Variants in ABL1 observed in about 807,000 individuals in gnomAD.
The protein encoded by ABL1 is ABL proto-oncogene 1, non-receptor tyrosine kinase.
ABL1 carries 11 observed loss-of-function variants against 94.7 expected under a neutral mutation model. The ratio of observed to expected loss-of-function variants is 0.12; its 90% CI spans 0.07 to 0.19. The LOEUF (loss-of-function observed/expected upper bound fraction) is 0.19. Among genes scored for constraint, ABL1 ranks in the 10% least tolerant of loss-of-function variants. The probability of loss-of-function intolerance (pLI) is 1.00; values close to 1 mark genes in which losing one functional copy is unlikely to be tolerated. For synonymous variants in ABL1, 656 were observed against 622.4 expected (o/e 1.05, Z -0.80); for missense variants, 1,082 against 1,489.4 (o/e 0.73, Z 4.50).
chr9:130,880,223 G>C lies in ABL1; in HGVS notation c.1513+66G>C. On this transcript the variant is annotated intron_variant, in intron 9 of 10. Transcript: ENST00000318560. The surrounding 1 kb of genome is among the most constrained non-coding windows in gnomAD (Gnocchi z 4.4). Reference sequence around the variant, plus strand: ...GGCAGCCATGTGGGACTGCAGCCTGGGTCATTCGGTTCACTTCCTGGTGAA... The same window carrying C: ...GGCAGCCATGTGGGACTGCAGCCTGCGTCATTCGGTTCACTTCCTGGTGAA... 1.3e-6 allele frequency: 2 copies of C among 1,503,272 alleles called. No homozygotes were observed. Among genetic ancestry groups the C allele is most frequent in the Non-Finnish European group, 1.9e-6 (2 of 1,079,902 alleles). The allele number at this position is 1,503,272 out of a possible 1,614,324, so 93.1% of individuals were successfully genotyped here.
Position 130,862,179 on chromosome 9 carries a change from T to A in ABL1, c.550-584T>A, listed in dbSNP as rs1376585664. Among the ~76,000 whole-genome samples the A allele has an allele frequency of 6.6e-6, 1 of 152,218 alleles. No individual in the cohort carries two copies. The highest frequency in any genetic ancestry group is 2.4e-5 in the African/African-American group (1 of 41,450). On this transcript the variant is annotated intron_variant, in intron 3 of 10. Coordinates refer to ENST00000318560, the MANE Select transcript of ABL1 (RefSeq NM_005157.6). The surrounding 1 kb of genome is among the most constrained non-coding windows in gnomAD (Gnocchi z 5.5). ...TTCCTACCAGCAACTACCCACCAAG[T>A]TCTACCATGTGTTAATTTAATCAAC...
chr9:130,855,244 G>A (rs1830955020), intron 3 of ABL1, 148 bp downstream of exon 3: 1 of 890,594 alleles, frequency 1.1e-6, no homozygotes, highest in African/African-American at 1.7e-5. Flanking sequence ...TTAGCCTTAT[G>A]AAGACCCTTT....
chr9:130,813,337 G>A (rs369840903), intron 1 of ABL1, among the ~76,000 whole-genome samples: 46 of 151,446 alleles, frequency 3.0e-4, no homozygotes, highest in African/African-American at 1.1e-3. Context: ...TGAGGCGGGC[G>A]GATCACGAGG....
chr9:130,756,328 A>ATT (rs36023901), intron 1 of ABL1, among the ~76,000 whole-genome samples: 7 of 146,048 alleles, frequency 4.8e-5, no homozygotes, highest in African/African-American at 1.0e-4. Flanking sequence ...GGAAGTTTTA[A>ATT]TTTTTTTTTT....
intron 3 of ABL1, among the ~76,000 whole-genome samples, chr9:130,861,561 C>CT (rs1018508064): frequency 1.1e-4 from 17 of 151,718 alleles, no homozygotes; most frequent in Admixed American, 2.6e-4. Context: ...CTTCCCTTTT[C>CT]TTTTTTTTTA....
chr9:130,844,285 G>T (rs926116085), intron 1 of ABL1, among the ~76,000 whole-genome samples: 1 of 152,338 alleles, frequency 6.6e-6, no homozygotes, highest in Middle Eastern at 3.4e-3. Flanking sequence ...AAGGACAGAA[G>T]TGATGAGAGA....
At chr9:130,866,974 C>G (rs1454526813) in intron 4 of ABL1, among the ~76,000 whole-genome samples, 1 of 152,180 alleles carries the variant, frequency 6.6e-6, no homozygotes, top group African/African-American at 2.4e-5. Flanking sequence ...CTGTGCCCAG[C>G]TAAGAGGCTG....
At position 130,814,600 on chromosome 9, in the gene ABL1, G is replaced by A. The variant is rs930297294; in HGVS notation, c.137-39464G>A. 5.3e-5 allele frequency among the ~76,000 whole-genome samples: 8 copies of A among 152,150 alleles called. No individual in the cohort carries two copies. Among genetic ancestry groups the A allele is most frequent in the South Asian group, 2.1e-4 (1 of 4,822 alleles). On this transcript the variant is annotated intron_variant, in intron 1 of 10. Transcript: ENST00000372348. The surrounding 1 kb of genome is among the most constrained non-coding windows in gnomAD (Gnocchi z 4.4). ...TTCACTCAAGAAGTAACCATCTGCCGGGCGCAGTGGCTTACGCCTGTAATC... is the reference window on the plus strand; with the variant it reads ...TTCACTCAAGAAGTAACCATCTGCCAGGCGCAGTGGCTTACGCCTGTAATC...
chr9:130,766,626 C>T (rs36092175), intron 1 of ABL1, among the ~76,000 whole-genome samples: 1,664 of 152,294 alleles, frequency 0.011, 33 homozygotes, highest in African/African-American at 0.037. Context: ...CCAGCATCAT[C>T]TCCCCCCAGG....
intron 6 of ABL1, among the ~76,000 whole-genome samples, chr9:130,873,727 C>T (rs1299719828): frequency 1.3e-5 from 2 of 152,180 alleles, no homozygotes; most frequent in East Asian, 3.8e-4. Flanking sequence ...CCCAGCAAAG[C>T]GACGGCCTGT....
At chr9:130,749,048 A>G (rs1288392663) in intron 1 of ABL1, among the ~76,000 whole-genome samples, 1 of 152,102 alleles carries the variant, frequency 6.6e-6, no homozygotes, top group Non-Finnish European at 1.5e-5. Context: ...CTGGTTTAGT[A>G]TTGCTGTTGA....
chr9:130,729,854 G>A (rs9775188), intron 1 of ABL1, among the ~76,000 whole-genome samples: 42,042 of 150,092 alleles, frequency 0.28, 8,556 homozygotes, highest in African/African-American at 0.54. Context: ...TCCTGCTTCA[G>A]CCTCCTGTGT....
chr9:130,806,844 T>A (rs931549464), intron 1 of ABL1, among the ~76,000 whole-genome samples: 3 of 152,156 alleles, frequency 2.0e-5, no homozygotes. Flanking sequence ...GAAAGTTTCA[T>A]CATTATTTTA....
chr9:130,733,640 G>A (rs1029983279), intron 1 of ABL1, among the ~76,000 whole-genome samples: 6 of 146,808 alleles, frequency 4.1e-5, no homozygotes, highest in Admixed American at 1.4e-4. Context: ...GTGCAGTGGC[G>A]TAATCTCGGC....
At chr9:130,789,642 A>C (rs1279146634) in intron 1 of ABL1, among the ~76,000 whole-genome samples, 1 of 152,234 alleles carries the variant, frequency 6.6e-6, no homozygotes, top group Non-Finnish European at 1.5e-5. Flanking sequence ...ACTATAAGTT[A>C]ATTTACTACC....
intron 10 of ABL1, among the ~76,000 whole-genome samples, chr9:130,882,121 T>C (rs1408256540): frequency 4.6e-5 from 7 of 152,178 alleles, no homozygotes; most frequent in African/African-American, 1.7e-4. Context: ...TCTTATCGGT[T>C]TTCCTGATTT....
chr9:130,713,982 T>A, exon 1 of ABL1: 1 of 258,600 alleles, frequency 3.9e-6, no homozygotes, highest in Non-Finnish European at 7.4e-6. Flanking sequence ...TTGACCCTTT[T>A]CAGCATCCCC....
chr9:130,838,427 A>G (rs898116317), intron 1 of ABL1, among the ~76,000 whole-genome samples: 2 of 152,166 alleles, frequency 1.3e-5, no homozygotes, highest in South Asian at 4.2e-4. Flanking sequence ...TTTTTTTTAA[A>G]TGTATATAAA....
At chr9:130,731,951 G>A (rs1465056735) in intron 1 of ABL1, among the ~76,000 whole-genome samples, 1 of 150,638 alleles carries the variant, frequency 6.6e-6, no homozygotes, top group Non-Finnish European at 1.5e-5. Context: ...AATGATTCCT[G>A]TCAATTGTTT....
Sources: allele counts gnomAD v4.1 joint callset (sites outside exome capture counted in the v4.1 genomes callset), GRCh38; gene constraint gnomAD v4.1.1; non-coding constraint Gnocchi (gnomAD v3.1); transcripts MANE v1.5; gene names NCBI Gene and HGNC (gene_info 2026-07-23, HGNC 2026-07-21).